PRKN: variants seen among roughly 807,000 people sequenced by gnomAD.
The protein encoded by PRKN is E3 ubiquitin-protein ligase parkin.
PRKN carries 56 observed loss-of-function variants against 59.5 expected under a neutral mutation model. The ratio of observed to expected loss-of-function variants is 0.94; its 90% CI spans 0.76 to 1.18. The LOEUF (loss-of-function observed/expected upper bound fraction) is 1.18. Among genes scored for constraint, PRKN ranks in the 50% most tolerant of loss-of-function variants. PRKN has a pLI of 0.00. For synonymous variants in PRKN, 250 were observed against 222.1 expected (o/e 1.13, Z -1.12); for missense variants, 657 against 596.4 (o/e 1.10, Z -1.06).
chr6:161,593,399 C>T lies in PRKN; in HGVS notation c.872-23983G>A, dbSNP rs1280083541. On this transcript the variant is annotated intron_variant, in intron 7 of 11. Coordinates refer to ENST00000366898, the MANE Select transcript of PRKN (RefSeq NM_004562.3). This position sits in a 1 kb window ranked among gnomAD's most constrained non-coding sequence, Gnocchi z 4.8. ...GTCACAAAACTAATATATGGTGAGGCTGGTTTCAAGCTAATATTGGCCAAT... is the reference window on the plus strand; with the variant it reads ...GTCACAAAACTAATATATGGTGAGGTTGGTTTCAAGCTAATATTGGCCAAT... 6.6e-6 allele frequency among the ~76,000 whole-genome samples: 1 copy of T among 152,122 alleles called. No individual in the cohort carries two copies. Among genetic ancestry groups the T allele is most frequent in the Non-Finnish European group, 1.5e-5 (1 of 68,028 alleles).
chr6:161,353,670 A>G lies in PRKN; in HGVS notation c.1286-3459T>C, dbSNP rs547756508. Reference sequence around the variant, plus strand: ...ATAAACTGGTAAATGTGTTTCCCTGAGTTCTGTGAGCCACTGTAGCAAATA... The same window carrying G: ...ATAAACTGGTAAATGTGTTTCCCTGGGTTCTGTGAGCCACTGTAGCAAATA... On this transcript the variant is annotated intron_variant, in intron 11 of 11. Transcript: ENST00000366898. The surrounding 1 kb of genome is among the most constrained non-coding windows in gnomAD (Gnocchi z 4.8). Among the ~76,000 whole-genome samples the G allele has an allele frequency of 2.0e-5, 3 of 152,310 alleles. No individual in the cohort carries two copies. The South Asian group carries it at 6.2e-4, about 32-fold the overall frequency.
intron 2 of PRKN, chr6:162,265,210 TG>T (rs1284514413): frequency 6.6e-6 from 1 of 152,204 alleles, no homozygotes; most frequent in African/African-American, 2.4e-5. Context: ...CCCTCCTATA[TG>T]ATACATGTGG....
At position 162,338,505 on chromosome 6, in the gene PRKN, C is replaced by T. The variant is rs527483388; in HGVS notation, c.172-75740G>A. ...CTAACCGCGAGTGATCCGCCAGCCT[C>T]GGCCTCCCGAGGTGCCGGGATTGCA... On this transcript the variant is annotated intron_variant, in intron 2 of 11. Transcript: ENST00000366898. Among the ~76,000 whole-genome samples, 7 of 152,210 alleles carry T rather than the reference C, an allele frequency of 4.6e-5. 1 individual carries two copies. The highest frequency in any genetic ancestry group is 4.1e-4 in the South Asian group (2 of 4,836).
intron 2 of PRKN, among the ~76,000 whole-genome samples, chr6:162,393,891 A>G (rs1787345014): frequency 6.6e-6 from 1 of 152,202 alleles, no homozygotes; most frequent in African/African-American, 2.4e-5. Flanking sequence ...TAGCTCAAAT[A>G]AAATTTTGGT....
chr6:162,192,347 GA>G (rs1327510579), intron 4 of PRKN, among the ~76,000 whole-genome samples: 2 of 145,214 alleles, frequency 1.4e-5, no homozygotes, highest in Non-Finnish European at 3.0e-5. Flanking sequence ...TGTGAAATTA[GA>G]AAAAGCACTA....
intron 5 of PRKN, among the ~76,000 whole-genome samples, chr6:161,988,702 C>T (rs551012498): frequency 3.9e-5 from 6 of 152,030 alleles, no homozygotes; most frequent in East Asian, 1.9e-4. Flanking sequence ...GCCATGAACA[C>T]GACAGTGAGG....
In PRKN at chr6:161,400,089, C is replaced by T. The variant is rs1786956960; in HGVS notation, c.1084-13212G>A. Among the ~76,000 whole-genome samples, 1 of 152,060 alleles carries T rather than the reference C, an allele frequency of 6.6e-6. No homozygotes were observed. The highest frequency in any genetic ancestry group is 2.4e-5 in the African/African-American group (1 of 41,390). The stretch of plus-strand genomic sequence containing the variant: ...GGGCTCAGGAGCCTCACGTGGGCAC[C>T]ATGTTGGACAGGAGCCTCACAGGGC... On this transcript the variant is annotated intron_variant, in intron 9 of 11. Transcript: ENST00000366898. The surrounding 1 kb of genome is among the most constrained non-coding windows in gnomAD (Gnocchi z 4.2).
intron 3 of PRKN, among the ~76,000 whole-genome samples, chr6:162,243,246 T>C (rs1226453585): frequency 6.6e-6 from 1 of 152,092 alleles, no homozygotes; most frequent in Non-Finnish European, 1.5e-5. Flanking sequence ...TGCTGGAAGG[T>C]CATGAGGGGA....
At chr6:162,722,644 A>G (rs1778977665) in intron 1 of PRKN, among the ~76,000 whole-genome samples, 1 of 152,220 alleles carries the variant, frequency 6.6e-6, no homozygotes, top group South Asian at 2.1e-4. Context: ...TTGCATTAAA[A>G]CTGCTTTCAT....
chr6:161,430,946 G>A (rs1034793839), intron 9 of PRKN, among the ~76,000 whole-genome samples: 1 of 151,690 alleles, frequency 6.6e-6, no homozygotes, highest in Non-Finnish European at 1.5e-5. Flanking sequence ...GACCAGCCTG[G>A]CCAACGTGGT....
At chr6:162,132,661 G>A (rs968685226) in intron 4 of PRKN, among the ~76,000 whole-genome samples, 1 of 152,140 alleles carries the variant, frequency 6.6e-6, no homozygotes, top group Non-Finnish European at 1.5e-5. Context: ...ACCACCTGAA[G>A]TGGAAATGGG....
At chr6:161,713,840 C>A (rs1036765002) in intron 7 of PRKN, among the ~76,000 whole-genome samples, 1 of 152,114 alleles carries the variant, frequency 6.6e-6, no homozygotes, top group Non-Finnish European at 1.5e-5. Flanking sequence ...GTAATTGAAT[C>A]ATGGGGCCGG....
rs1554292239 is a variant in PRKN, at chr6:161,680,753, ATATATATATATATATATATATAT to A, written c.871+104996_871+105018del. On this transcript the variant is annotated intron_variant, in intron 7 of 11. Coordinates refer to ENST00000366898, the MANE Select transcript of PRKN (RefSeq NM_004562.3). ...TATATATATATATATATATATATAT[ATATATATATATATATATATATAT>A]TTTTTTTTTTTTTTCTTTTCCTAAA... 3.9e-3 allele frequency among the ~76,000 whole-genome samples: 160 copies of A among 41,092 alleles called. 8 individuals carry two copies. Among genetic ancestry groups the A allele is most frequent in the South Asian group, 0.013 (17 of 1,288 alleles). 27.0% of individuals were successfully genotyped at this position (41,092 alleles called of 152,430 possible).
chr6:162,297,626 C>A (rs1487352705), intron 2 of PRKN, among the ~76,000 whole-genome samples: 3 of 151,944 alleles, frequency 2.0e-5, no homozygotes, highest in Admixed American at 6.6e-5. Context: ...AACATGAACA[C>A]ATTTAATCTA....
intron 1 of PRKN, among the ~76,000 whole-genome samples, chr6:162,725,988 T>A (rs994882149): frequency 6.6e-6 from 1 of 152,170 alleles, no homozygotes. Context: ...ACCAACCTTA[T>A]ATTCTCCATG....
At chr6:162,606,230 C>T (rs1781907753) in intron 1 of PRKN, among the ~76,000 whole-genome samples, 1 of 152,118 alleles carries the variant, frequency 6.6e-6, no homozygotes, top group Non-Finnish European at 1.5e-5. Context: ...ACCCAATAAA[C>T]AAATTTAAAA....
chr6:162,307,733 A>G (rs962544144), intron 2 of PRKN, among the ~76,000 whole-genome samples: 1 of 152,230 alleles, frequency 6.6e-6, no homozygotes, highest in Non-Finnish European at 1.5e-5. Flanking sequence ...CACTGCAAAC[A>G]TTGAATAATT....
chr6:161,791,980 A>G (rs893224493), intron 6 of PRKN, among the ~76,000 whole-genome samples: 1 of 152,216 alleles, frequency 6.6e-6, no homozygotes, highest in Non-Finnish European at 1.5e-5. Flanking sequence ...GAGGAAAGCG[A>G]GCAGCCATGT....
At chr6:161,791,111 T>C (rs1790619765) in intron 6 of PRKN, among the ~76,000 whole-genome samples, 1 of 152,208 alleles carries the variant, frequency 6.6e-6, no homozygotes, top group African/African-American at 2.4e-5. Context: ...TTCACCCCAA[T>C]GGGCCAGGTT....
Sources: allele counts gnomAD v4.1 joint callset (sites outside exome capture counted in the v4.1 genomes callset), GRCh38; gene constraint gnomAD v4.1.1; non-coding constraint Gnocchi (gnomAD v3.1); transcripts MANE v1.5; gene names NCBI Gene and HGNC (gene_info 2026-07-23, HGNC 2026-07-21).